The following ESRP1 variants were observed in gnomAD, a reference collection of about 807,000 sequenced individuals.
ESRP1 encodes the protein RNA-binding motif protein 35A.
In ESRP1, 33 loss-of-function variants were observed where a neutral mutation model predicts 81.7. The observed-to-expected ratio is 0.40, with a 90% CI of 0.31 to 0.54. The LOEUF is 0.54. Among genes scored for constraint, ESRP1 ranks in the 20% least tolerant of loss-of-function variants. The pLI, the probability that ESRP1 is intolerant of heterozygous loss-of-function variation, is 0.41. For missense variants in ESRP1, 672 were observed against 833.1 expected (o/e 0.81, Z 2.38); for synonymous variants, 320 against 303.3 (o/e 1.06, Z -0.57).
intron 15 of ESRP1, among the ~76,000 whole-genome samples, chr8:94,699,902 T>C (rs1411641672): frequency 2.7e-5 from 2 of 74,498 alleles, no homozygotes; most frequent in East Asian, 4.8e-4. Flanking sequence ...CATTGTTTTA[T>C]ATATATTTTT....
intron 13 of ESRP1, among the ~76,000 whole-genome samples, chr8:94,678,851 T>A (rs2130664514): frequency 6.6e-6 from 1 of 152,354 alleles, no homozygotes; most frequent in East Asian, 1.9e-4. Flanking sequence ...AGAATTAGAT[T>A]ATTTAGTGTT....
At chr8:94,683,422 T>C (rs1254839035) in intron 13 of ESRP1, among the ~76,000 whole-genome samples, 1 of 152,224 alleles carries the variant, frequency 6.6e-6, no homozygotes, top group Non-Finnish European at 1.5e-5. Flanking sequence ...TTTACTTTTT[T>C]ACTTGAAATT....
intron 4 of ESRP1, among the ~76,000 whole-genome samples, chr8:94,648,944 G>A (rs1012945411): frequency 1.3e-5 from 2 of 152,118 alleles, no homozygotes; most frequent in Admixed American, 1.3e-4. Context: ...TTTTTGGCTG[G>A]GCACGGTGGC....
chr8:94,679,698 CATT>C (rs1808796439), intron 13 of ESRP1, among the ~76,000 whole-genome samples: 4 of 151,648 alleles, frequency 2.6e-5, no homozygotes, highest in Admixed American at 2.0e-4. Flanking sequence ...GTATTGTGCT[CATT>C]ATTAAGTCTG....
intron 5 of ESRP1, 49 bp downstream of exon 5, chr8:94,662,419 T>C (rs1003073319): frequency 6.5e-7 from 1 of 1,533,152 alleles, no homozygotes; most frequent in Non-Finnish European, 8.9e-7. Flanking sequence ...ATACTATTTT[T>C]CTCTTACCTA....
chr8:94,669,073 C>T (rs1819173480), intron 10 of ESRP1, among the ~76,000 whole-genome samples: 1 of 152,138 alleles, frequency 6.6e-6, no homozygotes, highest in African/African-American at 2.4e-5. Context: ...GCATGAGCCA[C>T]CACGCCTGGC....
At chr8:94,686,866 C>A (rs1255591171) in intron 13 of ESRP1, among the ~76,000 whole-genome samples, 1 of 151,978 alleles carries the variant, frequency 6.6e-6, no homozygotes, top group Non-Finnish European at 1.5e-5. Context: ...TCTTATTTGG[C>A]GTGCAATTAG....
intron 15 of ESRP1, chr8:94,705,648 A>G (rs1398536412): frequency 1.2e-5 from 4 of 328,182 alleles, no homozygotes; most frequent in African/African-American, 6.4e-5. Context: ...GAAACCATAC[A>G]TGTTAAACTA....
At chr8:94,689,396 T>C (rs1331464860) in intron 13 of ESRP1, among the ~76,000 whole-genome samples, 1 of 152,158 alleles carries the variant, frequency 6.6e-6, no homozygotes, top group Non-Finnish European at 1.5e-5. Flanking sequence ...AGTCTATTAT[T>C]TTTGATGCTA....
chr8:94,649,166 C>A (rs893430207), intron 4 of ESRP1, among the ~76,000 whole-genome samples: 1 of 152,162 alleles, frequency 6.6e-6, no homozygotes, highest in African/African-American at 2.4e-5. Context: ...GAGCCGAGAT[C>A]ATACCATTAT....
At chr8:94,645,267 A>G (rs551298587) in intron 3 of ESRP1, among the ~76,000 whole-genome samples, 2 of 152,270 alleles carry the variant, frequency 1.3e-5, no homozygotes, top group South Asian at 4.1e-4. Flanking sequence ...TTGCATGAAC[A>G]TTTAACATTT....
In ESRP1 at chr8:94,691,931, G is replaced by A. The variant is rs370726132; in HGVS notation, c.1821-746G>A. ...GCCACCAATTGAGGTAGAAAACAGA[G>A]TGGGTGGGAACAGGGTGAAACTAAT... On this transcript the variant is annotated intron_variant, in intron 13 of 15. Coordinates refer to ENST00000433389, the MANE Select transcript of ESRP1 (RefSeq NM_017697.4). Among the ~76,000 whole-genome samples the A allele has an allele frequency of 1.1e-4, 16 of 152,240 alleles. No homozygotes were observed. In the East Asian group the frequency reaches 2.3e-3, roughly 22 times the overall value.
intron 13 of ESRP1, among the ~76,000 whole-genome samples, chr8:94,682,932 A>ATTTTTTTTT (rs869078492): frequency 2.2e-4 from 4 of 18,092 alleles, no homozygotes; most frequent in Non-Finnish European, 3.3e-4. Context: ...ATATATATAT[A>ATTTTTTTTT]TTTTTTTTTT....
In ESRP1 at chr8:94,683,252, T is replaced by A. The variant is rs183793306; in HGVS notation, c.1820+4881T>A. ...AGCCACCGCGCCCGGCCTATGAATA[T>A]GTATATTTAGTAATATGTATGTGTT... On this transcript the variant is annotated intron_variant, in intron 13 of 15. Transcript: ENST00000433389. Among the ~76,000 whole-genome samples the A allele has an allele frequency of 7.0e-3, 1,060 of 152,152 alleles. 9 individuals carry two copies. The highest frequency in any genetic ancestry group is 0.024 in the African/African-American group (983 of 41,516).
chr8:94,693,587 T>C (rs1482519633), intron 14 of ESRP1, among the ~76,000 whole-genome samples: 5 of 152,208 alleles, frequency 3.3e-5, no homozygotes, highest in East Asian at 1.9e-4. Flanking sequence ...AAGTAACTTA[T>C]AGTCTTTTTA....
At chr8:94,681,118 G>A (rs1048421806) in intron 13 of ESRP1, among the ~76,000 whole-genome samples, 1 of 151,700 alleles carries the variant, frequency 6.6e-6, no homozygotes, top group African/African-American at 2.4e-5. Flanking sequence ...GAGGTCAGGA[G>A]ATAGAGACCA....
intron 9 of ESRP1, among the ~76,000 whole-genome samples, chr8:94,665,515 A>G (rs540135768): frequency 6.6e-6 from 1 of 152,158 alleles, no homozygotes; most frequent in Non-Finnish European, 1.5e-5. Flanking sequence ...TTTTGGAGAC[A>G]GAGTTTCGCT....
chr8:94,696,495 T>C (rs73695522), intron 14 of ESRP1, among the ~76,000 whole-genome samples: 3,095 of 152,298 alleles, frequency 0.02, 95 homozygotes, highest in African/African-American at 0.069. Flanking sequence ...TACAATCCCT[T>C]GCAAATAACT....
chr8:94,671,890 C>T (rs1430821081), intron 11 of ESRP1, among the ~76,000 whole-genome samples: 2 of 152,160 alleles, frequency 1.3e-5, no homozygotes, highest in East Asian at 3.8e-4. Context: ...CAGTTACACA[C>T]TAAGTCTTTA....
Sources: allele counts gnomAD v4.1 joint callset (sites outside exome capture counted in the v4.1 genomes callset), GRCh38; gene constraint gnomAD v4.1.1; transcripts MANE v1.5; gene names NCBI Gene and HGNC (gene_info 2026-07-23, HGNC 2026-07-21).